The following NCOA5 variants were observed in gnomAD, a reference collection of about 807,000 sequenced individuals.
NCOA5 encodes nuclear receptor coactivator 5.
In NCOA5, 12 loss-of-function variants were observed where a neutral mutation model predicts 59.0. That is an observed-to-expected ratio of 0.20 (90% CI 0.13 to 0.33). The LOEUF is 0.33. Among genes scored for constraint, NCOA5 ranks in the 10% least tolerant of loss-of-function variants. The pLI is 1.00. For missense variants in NCOA5, 655 were observed against 766.6 expected (o/e 0.85, Z 1.72); for synonymous variants, 270 against 275.5 (o/e 0.98, Z 0.20).
intron 1 of NCOA5, among the ~76,000 whole-genome samples, chr20:46,082,953 T>C (rs1250525491): frequency 1.3e-5 from 2 of 152,182 alleles, no homozygotes; most frequent in Non-Finnish European, 2.9e-5. Context: ...CCTTGGATAA[T>C]GCTATAAATA....
chr20:46,078,887 TCAAA>T (rs1354078637), intron 2 of NCOA5, among the ~76,000 whole-genome samples: 1 of 152,110 alleles, frequency 6.6e-6, no homozygotes, highest in Non-Finnish European at 1.5e-5. Context: ...TTATTTCCCC[TCAAA>T]CAGATAACCC....
chr20:46,073,029 C>T (rs571380314), intron 2 of NCOA5, among the ~76,000 whole-genome samples: 2 of 152,312 alleles, frequency 1.3e-5, no homozygotes, highest in East Asian at 1.9e-4. Context: ...TAATTGTTTA[C>T]GTGGCTTCCC....
intron 2 of NCOA5, among the ~76,000 whole-genome samples, chr20:46,078,947 A>G (rs1336438659): frequency 2.0e-5 from 3 of 152,204 alleles, no homozygotes; most frequent in African/African-American, 7.2e-5. Flanking sequence ...CACAGCGGCA[A>G]TCTCTCAAGC....
At chr20:46,074,863 C>G (rs1198080632) in intron 2 of NCOA5, among the ~76,000 whole-genome samples, 1 of 152,244 alleles carries the variant, frequency 6.6e-6, no homozygotes, top group Non-Finnish European at 1.5e-5. Flanking sequence ...TTTGGTTCTA[C>G]AGACGGTCAG....
At chr20:46,077,782 T>G (rs1407999901) in intron 2 of NCOA5, among the ~76,000 whole-genome samples, 1 of 152,184 alleles carries the variant, frequency 6.6e-6, no homozygotes, top group Non-Finnish European at 1.5e-5. Flanking sequence ...TTCTGAAGAT[T>G]AGATGCAACT....
chr20:46,074,281 G>C (rs1246604043), intron 2 of NCOA5, among the ~76,000 whole-genome samples: 1 of 152,134 alleles, frequency 6.6e-6, no homozygotes, highest in Non-Finnish European at 1.5e-5. Flanking sequence ...ACGAATCAAA[G>C]TGCAAGAAGA....
chr20:46,082,001 A>C (rs185662993), intron 1 of NCOA5, among the ~76,000 whole-genome samples: 51 of 152,300 alleles, frequency 3.3e-4, no homozygotes, highest in Admixed American at 2.1e-3. Flanking sequence ...TCAAGAAGTC[A>C]AGAAAAAACT....
rs1294791716 is a variant in NCOA5, at chr20:46,070,379, T to C, written c.196A>G (p.Ser66Gly). ...TCTCTGTGATCCCGCAAATCTCTAC[T>C]ATGTCTGTGGTCCCGCAAGTCTCGG... Reference protein sequence around the residue: ...DPRDLRDHRHSRDLRDHRDSR... With the variant: ...DPRDLRDHRHGRDLRDHRDSR... The change falls in exon 3 of 8, where the codon AGT becomes GGT. Residue 66 changes from serine to glycine, a missense_variant. Physicochemically the swap from Ser to Gly is moderately conservative, Grantham distance 56 (BLOSUM62 0). Coordinates refer to ENST00000290231, the MANE Select transcript of NCOA5 (RefSeq NM_020967.3). The C allele has an allele frequency of 3.1e-6, 5 of 1,613,548 alleles. No homozygotes were observed. Among genetic ancestry groups the C allele is most frequent in the East Asian group, 4.5e-5 (2 of 44,858 alleles).
chr20:46,064,876 C>T (rs1568876847), intron 6 of NCOA5, among the ~76,000 whole-genome samples, 153 bp downstream of exon 6: 1 of 152,180 alleles, frequency 6.6e-6, no homozygotes, highest in Non-Finnish European at 1.5e-5. Flanking sequence ...AAGTAAGTGA[C>T]TATGCAAGAC....
chr20:46,087,495 T>C (rs1244818565), intron 1 of NCOA5, among the ~76,000 whole-genome samples: 1 of 152,240 alleles, frequency 6.6e-6, no homozygotes, highest in Non-Finnish European at 1.5e-5. Flanking sequence ...CGGTGGCTCA[T>C]GCCTGTAATC....
Position 46,070,463 on chromosome 20 carries a change from C to G in NCOA5, c.112G>C (p.Glu38Gln), listed in dbSNP as rs759243973. 5.6e-6 allele frequency: 9 copies of G among 1,614,092 alleles called. No individual in the cohort carries two copies. The South Asian group carries it at 8.8e-5, about 16-fold the overall frequency. Residue 38 changes from glutamate (E) to glutamine (Q), a missense_variant, in exon 3 of 8, where the codon GAG becomes CAG. Physicochemically the swap from Glu to Gln is conservative, Grantham distance 29. Coordinates refer to ENST00000290231, the MANE Select transcript of NCOA5 (RefSeq NM_020967.3). ...CGGCCATTTCTGCCATCCCTGGGCT[C>G]TCTCCTTGGACTTCCTCGAATTGGG... ...RSPIRGSPRR[E>Q]PRDGRNGRDA... is the part of the protein sequence containing the mutation.
At chr20:46,079,849 A>G (rs1345890693) in intron 1 of NCOA5, among the ~76,000 whole-genome samples, 1 of 152,226 alleles carries the variant, frequency 6.6e-6, no homozygotes, top group African/African-American at 2.4e-5. Flanking sequence ...GAGAGTTTAA[A>G]AAACAAAAGA....
Position 46,070,402 on chromosome 20 carries a change from C to T in NCOA5, c.173G>A (p.Arg58Gln), listed in dbSNP as rs200727497. ...ARDSRDIRDP[R>Q]DLRDHRHSRD... ...ACTATGTCTGTGGTCCCGCAAGTCT[C>T]GGGGGTCTCGAATGTCTCTGCTGTC... is the stretch of plus-strand genomic sequence containing the variant. The change falls in exon 3 of 8, where the codon CGA (arginine) becomes CAA (glutamine). Residue 58 changes from arginine to glutamine, a missense_variant. Physicochemically the swap from Arg to Gln is conservative, Grantham distance 43. This residue lies in a region of NCOA5 where 250 missense variants were observed against 260.1 expected (regional missense o/e 0.96). Coordinates refer to ENST00000290231, the MANE Select transcript of NCOA5 (RefSeq NM_020967.3). The T allele has an allele frequency of 2.1e-5, 34 of 1,614,048 alleles. No homozygotes were observed. In the East Asian group the frequency reaches 2.7e-4, roughly 13 times the overall value.
intron 2 of NCOA5, among the ~76,000 whole-genome samples, chr20:46,075,998 G>C (rs1043490545): frequency 2.0e-5 from 3 of 152,176 alleles, no homozygotes; most frequent in Non-Finnish European, 4.4e-5. Flanking sequence ...AAAGCCAGCA[G>C]AACTGTGGTT....
intron 1 of NCOA5, among the ~76,000 whole-genome samples, chr20:46,089,443 C>T (rs970332913): frequency 2.8e-4 from 42 of 152,166 alleles, no homozygotes; most frequent in African/African-American, 1.0e-3. Context: ...GCTGAGGACC[C>T]GCGGGCGAGC....
At chr20:46,072,270 T>A (rs549929397) in intron 2 of NCOA5, among the ~76,000 whole-genome samples, 190 of 152,312 alleles carry the variant, frequency 1.2e-3, no homozygotes, top group African/African-American at 4.4e-3. Flanking sequence ...TCCAGAAAGA[T>A]CACTCTACAG....
At chr20:46,086,320 T>G (rs1017635962) in intron 1 of NCOA5, among the ~76,000 whole-genome samples, 1 of 152,244 alleles carries the variant, frequency 6.6e-6, no homozygotes, top group African/African-American at 2.4e-5. Flanking sequence ...AGGTGAACTA[T>G]TTCCTTAACA....
At chr20:46,087,586 C>T (rs1242816998) in intron 1 of NCOA5, among the ~76,000 whole-genome samples, 1 of 152,054 alleles carries the variant, frequency 6.6e-6, no homozygotes, top group African/African-American at 2.4e-5. Flanking sequence ...GGAGAAACCC[C>T]GTCTCCACTA....
rs780956821 is a variant in NCOA5, at chr20:46,073,818, T to C, written c.39-3282A>G. 4.2e-4 allele frequency among the ~76,000 whole-genome samples: 64 copies of C among 152,226 alleles called. 1 individual carries two copies. Among genetic ancestry groups the C allele is most frequent in the Non-Finnish European group, 8.5e-4 (58 of 68,036 alleles). On this transcript the variant is annotated intron_variant, in intron 2 of 7. Transcript: ENST00000290231. The stretch of plus-strand genomic sequence containing the variant: ...AATCCACTGAAAAACCTTACTTACC[T>C]GTCAAAGTCCATCCCTGCAAGTTGA...
Sources: gnomAD v4.1 joint callset for allele counts (sites outside exome capture counted in the v4.1 genomes callset) on GRCh38, gnomAD v4.1.1 for gene constraint, gnomAD v4.1.1 regional missense constraint, MANE v1.5 for transcripts, NCBI Gene and HGNC (gene_info 2026-07-23, HGNC 2026-07-21) for gene names.